CNTN5: variants seen among roughly 807,000 people sequenced by gnomAD.
CNTN5 encodes contactin 5, also known as contactin-5.
CNTN5 carries 77 observed loss-of-function variants against 129.1 expected under a neutral mutation model. The ratio of observed to expected loss-of-function variants is 0.60; its 90% CI spans 0.50 to 0.72. The LOEUF (loss-of-function observed/expected upper bound fraction) is 0.72, where lower values mean the gene tolerates loss of function less well. Ranked by LOEUF, CNTN5 falls within the 30% of genes least tolerant of loss-of-function variation. The probability of loss-of-function intolerance (pLI) is 0.00; values close to 1 mark genes in which losing one functional copy is unlikely to be tolerated. For synonymous variants in CNTN5, 509 were observed against 465.6 expected (o/e 1.09, Z -1.20); for missense variants, 1,478 against 1,328.8 (o/e 1.11, Z -1.75).
At chr11:99,548,538 A>G (rs961355000) in intron 2 of CNTN5, among the ~76,000 whole-genome samples, 11 of 152,136 alleles carry the variant, frequency 7.2e-5, no homozygotes, top group Non-Finnish European at 1.6e-4. Context: ...ATTTTTCTTC[A>G]GTCAGTTACG....
intron 13 of CNTN5, among the ~76,000 whole-genome samples, chr11:100,177,732 T>TA (rs566835757): frequency 8.0e-4 from 122 of 152,298 alleles, no homozygotes; most frequent in African/African-American, 2.9e-3. Flanking sequence ...GGAGCCGACA[T>TA]ATACGTAGAG....
intron 16 of CNTN5, among the ~76,000 whole-genome samples, chr11:100,226,344 T>C (rs1815115362): frequency 6.6e-6 from 1 of 152,130 alleles, no homozygotes; most frequent in African/African-American, 2.4e-5. Context: ...TCCAAATCAA[T>C]ATCACAATTT....
intron 3 of CNTN5, among the ~76,000 whole-genome samples, chr11:99,792,940 T>G (rs1185002239): frequency 2.0e-5 from 3 of 152,004 alleles, no homozygotes; most frequent in African/African-American, 7.2e-5. Context: ...TCTCTGAGAG[T>G]TTTTTGTATT....
intron 6 of CNTN5, among the ~76,000 whole-genome samples, chr11:99,866,411 A>G (rs2135791042): frequency 6.6e-6 from 1 of 152,302 alleles, no homozygotes; most frequent in African/African-American, 2.4e-5. Flanking sequence ...AGATACTTAT[A>G]TATTTTAATT....
At chr11:99,793,466 T>G (rs1945826561) in intron 3 of CNTN5, among the ~76,000 whole-genome samples, 1 of 152,208 alleles carries the variant, frequency 6.6e-6, no homozygotes, top group Admixed American at 6.5e-5. Flanking sequence ...ATTTCTTGTC[T>G]TCCGCTAGAT....
chr11:99,489,973 G>A (rs1945972384), intron 2 of CNTN5, among the ~76,000 whole-genome samples: 1 of 152,144 alleles, frequency 6.6e-6, no homozygotes, highest in South Asian at 2.1e-4. Context: ...AAATTTTAAT[G>A]TTTAACATCC....
chr11:99,613,455 C>T (rs1244553267), intron 3 of CNTN5, among the ~76,000 whole-genome samples: 1 of 152,096 alleles, frequency 6.6e-6, no homozygotes, highest in Admixed American at 6.5e-5. Context: ...AAACCTCTTT[C>T]CTTTATAAAT....
chr11:100,319,214 G>A (rs560584856), intron 21 of CNTN5, among the ~76,000 whole-genome samples: 6 of 149,014 alleles, frequency 4.0e-5, no homozygotes, highest in South Asian at 4.3e-4. Flanking sequence ...GTGCCATGGC[G>A]CAATCTCAGC....
chr11:100,313,313 C>A (rs879677713), intron 21 of CNTN5, among the ~76,000 whole-genome samples: 16 of 151,836 alleles, frequency 1.1e-4, no homozygotes, highest in Non-Finnish European at 1.9e-4. Context: ...TCAGCCAAAG[C>A]AGTGGAGTGG....
At chr11:100,231,927 G>A (rs1949499245) in intron 16 of CNTN5, among the ~76,000 whole-genome samples, 1 of 152,160 alleles carries the variant, frequency 6.6e-6, no homozygotes, top group Admixed American at 6.5e-5. Context: ...GGCAAGGTGG[G>A]CAGATCACTT....
At chr11:99,770,906 T>G (rs1362224835) in intron 3 of CNTN5, among the ~76,000 whole-genome samples, 1 of 152,028 alleles carries the variant, frequency 6.6e-6, no homozygotes, top group Non-Finnish European at 1.5e-5. Flanking sequence ...GATTTGAAGG[T>G]GTATCACAAA....
At chr11:99,797,937 T>C (rs899290464) in intron 3 of CNTN5, among the ~76,000 whole-genome samples, 4 of 152,132 alleles carry the variant, frequency 2.6e-5, no homozygotes, top group Non-Finnish European at 5.9e-5. Flanking sequence ...TCTGCCTGTT[T>C]ATCTTTTTTT....
At chr11:99,822,806 T>C (rs1432926863) in intron 4 of CNTN5, among the ~76,000 whole-genome samples, 1 of 152,258 alleles carries the variant, frequency 6.6e-6, no homozygotes, top group Non-Finnish European at 1.5e-5. Flanking sequence ...TGGCTATGGC[T>C]ATTAACTTGC....
At chr11:100,331,237 A>G (rs1353171746) in intron 21 of CNTN5, among the ~76,000 whole-genome samples, 1 of 152,170 alleles carries the variant, frequency 6.6e-6, no homozygotes, top group Non-Finnish European at 1.5e-5. Flanking sequence ...AAAGACAAAG[A>G]GGGATATTAT....
At chr11:100,051,002 C>T (rs776875501) in intron 9 of CNTN5, among the ~76,000 whole-genome samples, 3 of 152,130 alleles carry the variant, frequency 2.0e-5, no homozygotes, top group African/African-American at 4.8e-5. Context: ...GAGATTTTAA[C>T]ACTCTTCTCT....
chr11:99,427,765 CAAAAAAAAAAAAA>C (rs36085825), intron 2 of CNTN5, among the ~76,000 whole-genome samples: 5 of 32,366 alleles, frequency 1.5e-4, no homozygotes, highest in African/African-American at 4.5e-4. Flanking sequence ...GACTCAGTCT[CAAAAAAAAAAAAA>C]AAAAAAAAAA....
rs183152321 is a variant in CNTN5, at chr11:99,718,920, T to G, written c.56-100624T>G. ...TTCAATGTATTTATTATTTGAGCATTATTCTCCTCAAGGATTTTCACCGGT... is the reference window on the plus strand; with the variant it reads ...TTCAATGTATTTATTATTTGAGCATGATTCTCCTCAAGGATTTTCACCGGT... On this transcript the variant is annotated intron_variant, in intron 3 of 24. Transcript: ENST00000524871. Among the ~76,000 whole-genome samples, 119 of 152,236 alleles carry G rather than the reference T, an allele frequency of 7.8e-4. 1 individual carries two copies. Among genetic ancestry groups the G allele is most frequent in the African/African-American group, 2.7e-3 (112 of 41,552 alleles).
intron 3 of CNTN5, among the ~76,000 whole-genome samples, chr11:99,658,718 A>AT (rs55644222): frequency 0.29 from 35,515 of 123,238 alleles, 4,498 homozygotes; most frequent in South Asian, 0.37. Context: ...CTAAAAAAAA[A>AT]ATATATATAT....
intron 3 of CNTN5, among the ~76,000 whole-genome samples, chr11:99,613,186 A>G (rs76981138): frequency 3.3e-5 from 5 of 152,198 alleles, no homozygotes; most frequent in South Asian, 2.1e-4. Context: ...AATTGTAAGC[A>G]CCATAATGCC....
Sources: gnomAD v4.1 joint callset for allele counts (sites outside exome capture counted in the v4.1 genomes callset) on GRCh38, gnomAD v4.1.1 for gene constraint, MANE v1.5 for transcripts, NCBI Gene and HGNC (gene_info 2026-07-23, HGNC 2026-07-21) for gene names.